The following GRM8 variants were observed in gnomAD, a reference collection of about 807,000 sequenced individuals.
GRM8 encodes metabotropic glutamate receptor 8.
A neutral mutation model predicts 87.2 loss-of-function variants in GRM8; 47 were observed. That is an observed-to-expected ratio of 0.54 (90% CI 0.43 to 0.69). The LOEUF (loss-of-function observed/expected upper bound fraction) is 0.69, where lower values mean the gene tolerates loss of function less well. Among genes scored for constraint, GRM8 ranks in the 30% least tolerant of loss-of-function variants. GRM8 has a pLI of 0.00. For missense variants in GRM8, 1,019 were observed against 1,139.2 expected (o/e 0.89, Z 1.52); for synonymous variants, 396 against 404.5 (o/e 0.98, Z 0.25).
chr7:127,193,274 T>C (rs183398600), intron 2 of GRM8, among the ~76,000 whole-genome samples: 1 of 152,206 alleles, frequency 6.6e-6, no homozygotes, highest in Admixed American at 6.5e-5. Context: ...ACATACAACC[T>C]TCAAACATAA....
At chr7:126,501,807 A>G (rs1018232891) in intron 9 of GRM8, among the ~76,000 whole-genome samples, 19 of 151,924 alleles carry the variant, frequency 1.3e-4, no homozygotes, top group African/African-American at 2.9e-4. Context: ...ATGAGTGTCA[A>G]TGGGGTCCAG....
chr7:126,788,401 C>G (rs955364102), intron 6 of GRM8, among the ~76,000 whole-genome samples: 1 of 304 alleles, frequency 3.3e-3, no homozygotes, highest in African/African-American at 0.026. Flanking sequence ...CAGAGCAAGA[C>G]TCCATCTCAA....
intron 2 of GRM8, among the ~76,000 whole-genome samples, chr7:127,225,903 G>T (rs1418045423): frequency 2.6e-5 from 4 of 151,828 alleles, no homozygotes; most frequent in African/African-American, 9.7e-5. Flanking sequence ...CTAGAAGAAT[G>T]CTTCTAAAAA....
chr7:126,756,485 C>G (rs1217189033), intron 7 of GRM8, among the ~76,000 whole-genome samples: 1 of 151,930 alleles, frequency 6.6e-6, no homozygotes. Flanking sequence ...AGAAGACAAG[C>G]CACAGACTGG....
intron 9 of GRM8, among the ~76,000 whole-genome samples, chr7:126,462,643 G>T (rs1206350506): frequency 6.6e-6 from 1 of 151,492 alleles, no homozygotes; most frequent in East Asian, 1.9e-4. Context: ...AGAATTATGT[G>T]GATAAATTAT....
At chr7:127,208,049 T>C (rs1287791819) in intron 2 of GRM8, among the ~76,000 whole-genome samples, 1 of 152,136 alleles carries the variant, frequency 6.6e-6, no homozygotes, top group Admixed American at 6.5e-5. Context: ...ACCCACATTT[T>C]TTGATTGGAA....
intron 9 of GRM8, among the ~76,000 whole-genome samples, chr7:126,509,985 C>T (rs954012786): frequency 6.6e-6 from 1 of 151,994 alleles, no homozygotes; most frequent in Non-Finnish European, 1.5e-5. Context: ...AGCACATACA[C>T]ACACATGCAC....
intron 6 of GRM8, among the ~76,000 whole-genome samples, chr7:126,862,072 T>A (rs1022759268): frequency 6.6e-6 from 1 of 151,966 alleles, no homozygotes; most frequent in Non-Finnish European, 1.5e-5. Flanking sequence ...TCCCCTATAT[T>A]TTCTACAAAA....
In GRM8 at chr7:126,555,928, C is replaced by T. The variant is rs80195478; in HGVS notation, c.1495-22041G>A. Among the ~76,000 whole-genome samples the T allele has an allele frequency of 4.7e-4, 71 of 152,288 alleles. 4 individuals are homozygous for T. In the East Asian group the frequency reaches 6.8e-3, roughly 14 times the overall value. On this transcript the variant is annotated intron_variant, in intron 8 of 10. Transcript: ENST00000339582. ...AGGACATATCAAGGAAAACTCATAT[C>T]TCAGAATACTAAAATGAAGTACAAT...
chr7:126,526,154 C>T (rs1584942674), intron 9 of GRM8, among the ~76,000 whole-genome samples: 1 of 152,264 alleles, frequency 6.6e-6, no homozygotes, highest in East Asian at 1.9e-4. Context: ...TAAGCATCTA[C>T]TGAAGCATAA....
At chr7:126,818,845 A>C (rs1309110210) in intron 6 of GRM8, among the ~76,000 whole-genome samples, 2 of 152,190 alleles carry the variant, frequency 1.3e-5, no homozygotes, top group Non-Finnish European at 2.9e-5. Context: ...CAGCTGTCCC[A>C]TGTCAGCAAA....
intron 2 of GRM8, among the ~76,000 whole-genome samples, chr7:127,194,672 T>A (rs1257971776): frequency 6.6e-6 from 1 of 152,144 alleles, no homozygotes; most frequent in African/African-American, 2.4e-5. Context: ...GAACTCTCAT[T>A]TAACTAGCTT....
chr7:127,237,877 T>G (rs1474979482), intron 2 of GRM8, among the ~76,000 whole-genome samples: 1 of 152,216 alleles, frequency 6.6e-6, no homozygotes, highest in South Asian at 2.1e-4. Flanking sequence ...ACTTAGAATA[T>G]TCAATCTTTG....
Position 127,015,152 on chromosome 7 carries a change from A to AAGAAGGAGAAGG in GRM8, c.727+91332_727+91343dup, listed in dbSNP as rs1377826762. Among the ~76,000 whole-genome samples the AAGAAGGAGAAGG allele has an allele frequency of 5.3e-3, 369 of 70,044 alleles. 30 individuals carry two copies. The highest frequency in any genetic ancestry group is 7.0e-3 in the South Asian group (15 of 2,130). 46.0% of individuals were successfully genotyped at this position (70,044 alleles called of 152,430 possible). The stretch of plus-strand genomic sequence containing the variant: ...GAAGGAGAAGGAAGAAGGAAGAAGG[A>AAGAAGGAGAAGG]AGAAGGAGAAGGAGAAGGAGAAGGA... On this transcript the variant is annotated intron_variant, in intron 3 of 10. Coordinates refer to ENST00000339582, the MANE Select transcript of GRM8 (RefSeq NM_000845.3).
At chr7:126,514,431 A>C (rs1343615002) in intron 9 of GRM8, among the ~76,000 whole-genome samples, 1 of 152,172 alleles carries the variant, frequency 6.6e-6, no homozygotes, top group Non-Finnish European at 1.5e-5. Flanking sequence ...TTTACAACTC[A>C]CAAATTCCAT....
At chr7:126,540,307 T>C (rs1255606011) in intron 8 of GRM8, among the ~76,000 whole-genome samples, 1 of 152,106 alleles carries the variant, frequency 6.6e-6, no homozygotes, top group African/African-American at 2.4e-5. Flanking sequence ...GATAAAGATG[T>C]GGATGAAGAC....
intron 6 of GRM8, among the ~76,000 whole-genome samples, chr7:126,867,045 G>C (rs921261982): frequency 3.3e-5 from 5 of 152,178 alleles, no homozygotes; most frequent in Non-Finnish European, 7.3e-5. Flanking sequence ...GGGGATATGA[G>C]ACATCAGCCT....
intron 6 of GRM8, among the ~76,000 whole-genome samples, chr7:126,878,145 A>G (rs1484885776): frequency 6.6e-6 from 1 of 152,176 alleles, no homozygotes; most frequent in Non-Finnish European, 1.5e-5. Flanking sequence ...ACCACCCCAC[A>G]GCCCCACCAC....
chr7:126,990,719 G>A (rs1477381236), intron 3 of GRM8, among the ~76,000 whole-genome samples: 1 of 152,128 alleles, frequency 6.6e-6, no homozygotes, highest in Non-Finnish European at 1.5e-5. Flanking sequence ...ATCTGTAAAT[G>A]GGCATAAGTG....
Sources: allele counts gnomAD v4.1 joint callset (sites outside exome capture counted in the v4.1 genomes callset), GRCh38; gene constraint gnomAD v4.1.1; transcripts MANE v1.5; gene names NCBI Gene and HGNC (gene_info 2026-07-23, HGNC 2026-07-21).